The following PLXNA2 variants were observed in gnomAD, a reference collection of about 807,000 sequenced individuals.
PLXNA2 encodes the protein plexin-A2.
In PLXNA2, 91 loss-of-function variants were observed where a neutral mutation model predicts 193.5. The ratio of observed to expected loss-of-function variants is 0.47; its 90% confidence interval spans 0.40 to 0.56. The LOEUF is 0.56. Ranked by LOEUF, PLXNA2 falls within the 20% of genes least tolerant of loss-of-function variation. The pLI, the probability that PLXNA2 is intolerant of heterozygous loss-of-function variation, is 0.00. For synonymous variants in PLXNA2, 997 were observed against 1,027.3 expected, an observed-to-expected ratio of 0.97 and a Z score of 0.56; for missense variants, 1,995 against 2,503.2, an observed-to-expected ratio of 0.80 and a Z score of 4.33.
chr1:208,044,452 C>T lies in PLXNA2; in HGVS notation c.3874+56G>A. 8.2e-7 allele frequency: 1 copy of T among 1,222,968 alleles called. No homozygotes were observed. The highest frequency in any genetic ancestry group is 1.2e-6 in the Non-Finnish European group (1 of 828,466). 75.8% of individuals were successfully genotyped at this position (1,222,968 alleles called of 1,614,324 possible). A position where few individuals can be genotyped will look rare whatever the true frequency, so the allele number is the denominator to read the frequency against. Reference sequence around the variant, plus strand: ...TAGGAGTTGTCTGCAGGGAGAAGGGCAATAAGGCAGGTGGAGAAAGAGGGA... The same window carrying T: ...TAGGAGTTGTCTGCAGGGAGAAGGGTAATAAGGCAGGTGGAGAAAGAGGGA... On this transcript the variant is annotated intron_variant, in intron 20 of 31. Transcript: ENST00000367033. The surrounding 1 kb of genome is among the most constrained non-coding windows in gnomAD (Gnocchi z 4.9).
chr1:208,235,721 C>T (rs747766055), intron 1 of PLXNA2, among the ~76,000 whole-genome samples: 10 of 152,178 alleles, frequency 6.6e-5, no homozygotes, highest in Non-Finnish European at 1.5e-4. Context: ...TGACCATCTG[C>T]TCTCAACCAT....
intron 3 of PLXNA2, among the ~76,000 whole-genome samples, chr1:208,172,754 G>A (rs1162777726): frequency 1.3e-5 from 2 of 152,178 alleles, no homozygotes; most frequent in Non-Finnish European, 2.9e-5. Context: ...GGGAGTCCCT[G>A]CAGGAGCCTG....
intron 3 of PLXNA2, among the ~76,000 whole-genome samples, chr1:208,200,577 C>CTTTTTTTTTTTT (rs36026400): frequency 8.8e-5 from 10 of 113,998 alleles, no homozygotes; most frequent in Non-Finnish European, 1.5e-4. Flanking sequence ...CCCAATCCTT[C>CTTTTTTTTTTTT]TTTTTTTTTT....
chr1:208,123,535 G>A (rs1667869620), intron 4 of PLXNA2, among the ~76,000 whole-genome samples: 1 of 152,164 alleles, frequency 6.6e-6, no homozygotes, highest in Non-Finnish European at 1.5e-5. Context: ...CCAAGTGTAA[G>A]GGTCTCTTGT....
chr1:208,210,787 G>A (rs1193722822), intron 2 of PLXNA2, among the ~76,000 whole-genome samples: 2 of 152,152 alleles, frequency 1.3e-5, no homozygotes, highest in Non-Finnish European at 2.9e-5. Context: ...TTATTTTAAT[G>A]TTCCTCAGGA....
At chr1:208,029,371 A>G in intron 29 of PLXNA2, 1 of 1,115,614 alleles carries the variant, frequency 9.0e-7, no homozygotes, top group East Asian at 6.5e-5. Context: ...AGAGGACAGC[A>G]CATTTTCTCA....
intron 4 of PLXNA2, among the ~76,000 whole-genome samples, chr1:208,111,311 C>A (rs575146746): frequency 1.3e-5 from 2 of 152,242 alleles, no homozygotes; most frequent in South Asian, 4.1e-4. Flanking sequence ...CAAGGGCTCT[C>A]CTACCTCTGG....
At chr1:208,242,451 C>G (rs1367988063) in intron 1 of PLXNA2, among the ~76,000 whole-genome samples, 1 of 152,158 alleles carries the variant, frequency 6.6e-6, no homozygotes, top group Admixed American at 6.5e-5. Context: ...ACTGATGGGC[C>G]CCCAAGTGAC....
chr1:208,243,311 C>T (rs1409484571), intron 1 of PLXNA2, among the ~76,000 whole-genome samples: 1 of 152,162 alleles, frequency 6.6e-6, no homozygotes, highest in Admixed American at 6.5e-5. Context: ...TCCCCAAAGC[C>T]GCAGAGCGCC....
At chr1:208,170,422 A>G (rs1027204567) in intron 3 of PLXNA2, among the ~76,000 whole-genome samples, 1 of 152,182 alleles carries the variant, frequency 6.6e-6, no homozygotes, top group African/African-American at 2.4e-5. Flanking sequence ...GGCAGGGGGA[A>G]GCAGGGGCGG....
intron 1 of PLXNA2, among the ~76,000 whole-genome samples, chr1:208,229,730 T>A (rs1671626584): frequency 1.3e-5 from 2 of 152,242 alleles, no homozygotes; most frequent in Admixed American, 1.3e-4. Context: ...AGGAAAAGTC[T>A]TTGCAAGACA....
chr1:208,044,964 G>C lies in PLXNA2; in HGVS notation c.3639+103C>G, dbSNP rs533137995. 1.5e-4 allele frequency: 201 copies of C among 1,353,542 alleles called. 1 individual carries two copies. The African/African-American group carries it at 2.0e-3, about 13-fold the overall frequency. The allele number at this position is 1,353,542 out of a possible 1,614,324, so 83.8% of individuals were successfully genotyped here. On this transcript the variant is annotated intron_variant, in intron 19 of 31. Transcript: ENST00000367033. The surrounding 1 kb of genome is among the most constrained non-coding windows in gnomAD (Gnocchi z 4.9). ...GACCCAGAGATGAGGAGATATGGAG[G>C]GGGTGAGTCAGGCAACGAGACAGAA...
At chr1:208,238,621 G>A (rs1382344701) in intron 1 of PLXNA2, among the ~76,000 whole-genome samples, 1 of 152,158 alleles carries the variant, frequency 6.6e-6, no homozygotes, top group Non-Finnish European at 1.5e-5. Flanking sequence ...GTCCTCTGCT[G>A]AAATGAAAGG....
chr1:208,038,687 G>T lies in PLXNA2; in HGVS notation c.4660+138C>A. On this transcript the variant is annotated intron_variant, in intron 25 of 31. Coordinates refer to ENST00000367033, the MANE Select transcript of PLXNA2 (RefSeq NM_025179.4). This position sits in a 1 kb window ranked among gnomAD's most constrained non-coding sequence, Gnocchi z 4.1. ...AGACAGCCACATCTGAACAGGCAGC[G>T]CTCAAAGCGGGAAGCATTTCACACG... The T allele has an allele frequency of 1.1e-6, 1 of 938,622 alleles. No homozygotes were observed. The highest frequency in any genetic ancestry group is 1.6e-5 in the South Asian group (1 of 64,204). 58.1% of individuals were successfully genotyped at this position (938,622 alleles called of 1,614,324 possible).
chr1:208,064,689 G>A (rs999618824), intron 12 of PLXNA2, among the ~76,000 whole-genome samples: 1 of 152,208 alleles, frequency 6.6e-6, no homozygotes, highest in Non-Finnish European at 1.5e-5. Flanking sequence ...CCATCTCTGT[G>A]TTGGGCCCGG....
rs1160311560 is a variant in PLXNA2 at position 208,028,416 on chromosome 1, C to T, written c.5439-257G>A. 6.6e-6 allele frequency among the ~76,000 whole-genome samples: 1 copy of T among 152,196 alleles called. No homozygotes were observed. The highest frequency in any genetic ancestry group is 2.4e-5 in the African/African-American group (1 of 41,456). The stretch of plus-strand genomic sequence containing the variant: ...CAGAGTGGTTAAAAGCCCAGACTCT[C>T]ACCAGGCTCTTTGTGTTCAAATCCC... On this transcript the variant is annotated intron_variant, in intron 30 of 31. Coordinates refer to ENST00000367033, the MANE Select transcript of PLXNA2 (RefSeq NM_025179.4). This position sits in a 1 kb window ranked among gnomAD's most constrained non-coding sequence, Gnocchi z 4.2.
intron 4 of PLXNA2, among the ~76,000 whole-genome samples, chr1:208,117,799 G>T (rs1256394575): frequency 6.6e-6 from 1 of 152,210 alleles, no homozygotes; most frequent in African/African-American, 2.4e-5. Flanking sequence ...ATGAGAAAGA[G>T]AGAGACAGAA....
At chr1:208,059,486 G>A (rs1665545401) in intron 13 of PLXNA2, among the ~76,000 whole-genome samples, 1 of 152,138 alleles carries the variant, frequency 6.6e-6, no homozygotes, top group South Asian at 2.1e-4. Context: ...CCCTTCTCTG[G>A]GCCCTGCGAG....
At chr1:208,097,239 G>T (rs1666929822) in intron 6 of PLXNA2, among the ~76,000 whole-genome samples, 1 of 152,228 alleles carries the variant, frequency 6.6e-6, no homozygotes, top group Non-Finnish European at 1.5e-5. Context: ...AAACTTGAAA[G>T]CAAGTCCTGA....
Sources: allele counts gnomAD v4.1 joint callset (sites outside exome capture counted in the v4.1 genomes callset), GRCh38; gene constraint gnomAD v4.1.1; non-coding constraint Gnocchi (gnomAD v3.1); transcripts MANE v1.5; gene names NCBI Gene and HGNC (gene_info 2026-07-23, HGNC 2026-07-21).